FABP12: variants seen among roughly 807,000 people sequenced by gnomAD.
The protein encoded by FABP12 is fatty acid-binding protein 12.
A neutral mutation model predicts 13.7 loss-of-function variants in FABP12; 19 were observed. The observed-to-expected ratio is 1.39, with a 90% CI of 0.97 to 2.04. The LOEUF is 2.04. Among genes scored for constraint, FABP12 ranks in the 30% most tolerant of loss-of-function variants. FABP12 has a pLI of 0.00. For missense variants in FABP12, 182 were observed against 164.2 expected (o/e 1.11, Z -0.59); for synonymous variants, 61 against 57.0 (o/e 1.07, Z -0.32).
chr8:81,544,106 G>A lies in FABP12; in HGVS notation c.-184-4363C>T, dbSNP rs969906030. ...GTAAGAGGAGCAGGTACAGAACTAT[G>A]GGGAAAACTATCATATAAGGAGGCA... On this transcript the variant is annotated intron_variant, in intron 1 of 5. Transcript: ENST00000692030. Among the ~76,000 whole-genome samples the A allele has an allele frequency of 1.5e-4, 23 of 152,224 alleles. No individual in the cohort carries two copies. The Middle Eastern group carries it at 0.024, about 159-fold the overall frequency.
Position 81,527,016 on chromosome 8 carries a change from TCAC to T in FABP12, c.348+1_348+3del. ...GGGAAGAAAGCGAGGATGGGCTAACTCACCACCACCATTTTCCCATCCACCAGC... is the reference window on the plus strand; with the variant it reads ...GGGAAGAAAGCGAGGATGGGCTAACTCACCACCATTTTCCCATCCACCAGC... On this transcript the variant is annotated splice_donor_variant and splice_donor_region_variant and intron_variant, in intron 4 of 4. Transcript: ENST00000360464. LOFTEE classifies it high-confidence loss of function. The T allele has an allele frequency of 3.2e-6, 5 of 1,583,620 alleles. No individual in the cohort carries two copies. The highest frequency in any genetic ancestry group is 4.3e-6 in the Non-Finnish European group (5 of 1,157,406).
At chr8:81,547,102 T>C (rs549897876) in intron 1 of FABP12, among the ~76,000 whole-genome samples, 5 of 152,350 alleles carry the variant, frequency 3.3e-5, no homozygotes, top group African/African-American at 9.6e-5. Context: ...AAAGCGGAAG[T>C]TGAATAGCTA....
intron 1 of FABP12, among the ~76,000 whole-genome samples, chr8:81,561,286 A>G (rs1342478964): frequency 1.3e-5 from 2 of 152,210 alleles, no homozygotes; most frequent in Admixed American, 6.5e-5. Context: ...TAATCTATAT[A>G]ATAGATTGGT....
chr8:81,525,297 C>T (rs1004265979), intron 4 of FABP12, among the ~76,000 whole-genome samples, 177 bp from the exon 5 acceptor site: 8 of 152,124 alleles, frequency 5.3e-5, no homozygotes, highest in Admixed American at 1.3e-4. Context: ...GGGCACATCA[C>T]CTGAGGTCAG....
intron 1 of FABP12, among the ~76,000 whole-genome samples, chr8:81,556,618 A>G (rs1159728498): frequency 6.6e-6 from 1 of 151,442 alleles, no homozygotes; most frequent in Non-Finnish European, 1.5e-5. Flanking sequence ...AAAATATTAA[A>G]GTAGGAAAAT....
intron 1 of FABP12, among the ~76,000 whole-genome samples, chr8:81,585,095 C>T (rs1321588785): frequency 2.6e-5 from 4 of 152,134 alleles, no homozygotes; most frequent in African/African-American, 9.7e-5. Flanking sequence ...TGATGTTATA[C>T]CATTTGTCAG....
intron 1 of FABP12, among the ~76,000 whole-genome samples, chr8:81,542,730 C>T (rs1486556010): frequency 6.6e-6 from 1 of 152,188 alleles, no homozygotes; most frequent in Admixed American, 6.5e-5. Flanking sequence ...GCACCCATTT[C>T]TAACTTTTAT....
intron 1 of FABP12, among the ~76,000 whole-genome samples, chr8:81,549,643 A>C (rs149027991): frequency 6.6e-6 from 1 of 152,310 alleles, no homozygotes; most frequent in East Asian, 1.9e-4. Flanking sequence ...CACAGGGATA[A>C]AGTGCAATAG....
chr8:81,572,380 C>T (rs1038453495), intron 1 of FABP12, among the ~76,000 whole-genome samples: 1 of 152,112 alleles, frequency 6.6e-6, no homozygotes, highest in Non-Finnish European at 1.5e-5. Context: ...GGTTTGTTCA[C>T]GATTTTGCTA....
chr8:81,581,473 T>C (rs1810162417), intron 1 of FABP12, among the ~76,000 whole-genome samples: 2 of 152,168 alleles, frequency 1.3e-5, no homozygotes, highest in African/African-American at 4.8e-5. Flanking sequence ...GAATGTAACA[T>C]TTCTACATCC....
intron 1 of FABP12, among the ~76,000 whole-genome samples, chr8:81,565,543 T>C (rs1809804900): frequency 1.3e-5 from 2 of 151,804 alleles, no homozygotes. Flanking sequence ...TATACAATCA[T>C]GTAGAAATTA....
At chr8:81,527,879 A>C (rs1171044304) in intron 3 of FABP12, among the ~76,000 whole-genome samples, 1 of 151,972 alleles carries the variant, frequency 6.6e-6, no homozygotes, top group Non-Finnish European at 1.5e-5. Flanking sequence ...GAATCACCTG[A>C]GCCTGGGTGG....
At chr8:81,584,762 C>A (rs1475036369) in intron 1 of FABP12, among the ~76,000 whole-genome samples, 1 of 152,164 alleles carries the variant, frequency 6.6e-6, no homozygotes, top group South Asian at 2.1e-4. Flanking sequence ...ACATTCCCAC[C>A]CACAGTGTAC....
At chr8:81,576,326 A>G (rs910647880) in intron 1 of FABP12, among the ~76,000 whole-genome samples, 11 of 152,150 alleles carry the variant, frequency 7.2e-5, no homozygotes, top group African/African-American at 2.7e-4. Context: ...ATATTTCTCC[A>G]AATTTAATTT....
chr8:81,576,787 G>A (rs1260152285), intron 1 of FABP12, among the ~76,000 whole-genome samples: 4 of 152,186 alleles, frequency 2.6e-5, no homozygotes, highest in Non-Finnish European at 5.9e-5. Context: ...TTTATCATGA[G>A]TAGGTCAGGA....
intron 1 of FABP12, among the ~76,000 whole-genome samples, chr8:81,540,092 T>C (rs943053693): frequency 6.6e-6 from 1 of 152,212 alleles, no homozygotes; most frequent in Non-Finnish European, 1.5e-5. Context: ...GCTCAGCAAC[T>C]AAGGACAAAT....
chr8:81,531,293 G>C, exon 2 of FABP12: 1 of 1,604,066 alleles, frequency 6.2e-7, no homozygotes. Context: ...GGACTTCCAT[G>C]TTCCTTGGAG....
At chr8:81,578,577 C>T (rs1333488774) in intron 1 of FABP12, among the ~76,000 whole-genome samples, 1 of 151,378 alleles carries the variant, frequency 6.6e-6, no homozygotes, top group African/African-American at 2.4e-5. Context: ...CATCCACCTC[C>T]CAGGTTCAAG....
Position 81,543,212 on chromosome 8 carries a change from C to T in FABP12, c.-184-3469G>A, listed in dbSNP as rs1168623330. Among the ~76,000 whole-genome samples, 6 of 152,158 alleles carry T rather than the reference C, an allele frequency of 3.9e-5. No individual in the cohort carries two copies. The South Asian group carries it at 8.3e-4, about 21-fold the overall frequency. ...TACATGTACTTACGAAACTAATTAG[C>T]TTCAGGCTAGGCGGTATGTGAGTAA... On this transcript the variant is annotated intron_variant, in intron 1 of 5. Coordinates refer to the FABP12 transcript ENST00000692030.
Sources: allele counts gnomAD v4.1 joint callset (sites outside exome capture counted in the v4.1 genomes callset), GRCh38; gene constraint gnomAD v4.1.1; transcripts MANE v1.5; gene names NCBI Gene and HGNC (gene_info 2026-07-23, HGNC 2026-07-21).